Variants in ERC2 observed in about 807,000 individuals in gnomAD.
ERC2 encodes ELKS/RAB6-interacting/CAST family member 2.
In ERC2, 42 loss-of-function variants were observed where a neutral mutation model predicts 114.8. The ratio of observed to expected loss-of-function variants is 0.37; its 90% CI spans 0.29 to 0.47. The LOEUF is 0.47. Among genes scored for constraint, ERC2 ranks in the 20% least tolerant of loss-of-function variants. The pLI is 0.99. For synonymous variants in ERC2, 454 were observed against 425.5 expected (o/e 1.07, Z -0.82); for missense variants, 939 against 1,150.7 (o/e 0.82, Z 2.66).
At chr3:56,367,911 A>C (rs1048540923) in intron 2 of ERC2, among the ~76,000 whole-genome samples, 4 of 146,660 alleles carry the variant, frequency 2.7e-5, no homozygotes, top group Admixed American at 7.0e-5. Flanking sequence ...AGGTAGGAGT[A>C]TTGCTTGAGC....
chr3:55,650,669 A>T (rs962510107), intron 17 of ERC2, among the ~76,000 whole-genome samples: 1 of 152,200 alleles, frequency 6.6e-6, no homozygotes, highest in African/African-American at 2.4e-5. Flanking sequence ...GGCAAAAAGT[A>T]GGTGCTTATT....
At chr3:56,382,737 T>C (rs1028921664) in intron 2 of ERC2, among the ~76,000 whole-genome samples, 15 of 152,134 alleles carry the variant, frequency 9.9e-5, no homozygotes, top group African/African-American at 3.6e-4. Flanking sequence ...TATGATTATA[T>C]TCTATATTAT....
chr3:56,259,197 C>A (rs1576132753), intron 3 of ERC2, among the ~76,000 whole-genome samples: 1 of 151,972 alleles, frequency 6.6e-6, no homozygotes, highest in South Asian at 2.1e-4. Context: ...GTCTTGAACT[C>A]CCAACCTCAG....
chr3:56,043,388 C>T (rs945555999), intron 7 of ERC2, among the ~76,000 whole-genome samples: 3 of 151,996 alleles, frequency 2.0e-5, no homozygotes, highest in Non-Finnish European at 4.4e-5. Flanking sequence ...AAAGTCATAG[C>T]TATATATGTT....
At position 56,052,521 on chromosome 3, in the gene ERC2, T is replaced by C. The variant is rs561733767; in HGVS notation, c.1641+28296A>G. ...CTGAATATTTGCAATGGAGGCCATC[T>C]GGCCCTTTAAGAAAACATCTGATGA... On this transcript the variant is annotated intron_variant, in intron 7 of 17. Coordinates refer to ENST00000288221, the MANE Select transcript of ERC2 (RefSeq NM_015576.3). Among the ~76,000 whole-genome samples the C allele has an allele frequency of 6.3e-4, 96 of 152,350 alleles. 1 individual carries two copies. Among genetic ancestry groups the C allele is most frequent in the Non-Finnish European group, 9.7e-4 (66 of 68,034 alleles).
chr3:55,639,877 G>A (rs1054544306), intron 17 of ERC2, among the ~76,000 whole-genome samples: 6 of 152,296 alleles, frequency 3.9e-5, no homozygotes, highest in South Asian at 2.1e-4. Context: ...TCAAGGGCAG[G>A]AAGCAGATGT....
intron 4 of ERC2, among the ~76,000 whole-genome samples, chr3:56,160,195 T>C (rs908415793): frequency 6.6e-6 from 1 of 152,144 alleles, no homozygotes; most frequent in Non-Finnish European, 1.5e-5. Flanking sequence ...GCCATCCTGA[T>C]TGGTGTAAGA....
At chr3:55,554,447 G>A (rs1318352929) in intron 17 of ERC2, among the ~76,000 whole-genome samples, 1 of 152,166 alleles carries the variant, frequency 6.6e-6, no homozygotes, top group Non-Finnish European at 1.5e-5. Flanking sequence ...CAAGACAGAG[G>A]TGCAGACGGG....
chr3:56,352,121 A>G (rs888520312), intron 2 of ERC2, among the ~76,000 whole-genome samples: 4 of 152,196 alleles, frequency 2.6e-5, no homozygotes, highest in African/African-American at 9.7e-5. Context: ...TTCAAGATTC[A>G]TTATCCGGAT....
rs557239061 is a variant in ERC2 at position 55,823,762 on chromosome 3, T to C, written c.2564+64627A>G. On this transcript the variant is annotated intron_variant, in intron 14 of 17. Coordinates refer to ENST00000288221, the MANE Select transcript of ERC2 (RefSeq NM_015576.3). ...CCCATCGCTCCCATAGGGAGCCATA[T>C]GACTGACTTCTGTTTAATGAAGAGT... 7.9e-5 allele frequency among the ~76,000 whole-genome samples: 12 copies of C among 152,356 alleles called. No individual in the cohort carries two copies. In the South Asian group the frequency reaches 1.9e-3, roughly 24 times the overall value.
At chr3:56,116,704 A>AT (rs1312522093) in intron 6 of ERC2, among the ~76,000 whole-genome samples, 1 of 151,804 alleles carries the variant, frequency 6.6e-6, no homozygotes, top group African/African-American at 2.4e-5. Flanking sequence ...TCTTCTAGCC[A>AT]TTTTTTTCCA....
intron 16 of ERC2, among the ~76,000 whole-genome samples, chr3:55,690,968 C>T (rs1489494199): frequency 2.0e-5 from 3 of 152,210 alleles, no homozygotes; most frequent in African/African-American, 4.8e-5. Flanking sequence ...CATGTAACTG[C>T]TGGTAGAGGA....
intron 6 of ERC2, among the ~76,000 whole-genome samples, chr3:56,109,267 T>C (rs1034934243): frequency 1.3e-5 from 2 of 152,126 alleles, no homozygotes; most frequent in Non-Finnish European, 2.9e-5. Flanking sequence ...AGTGAGAACA[T>C]GCGGTATTTG....
chr3:55,544,517 C>T (rs542918758), intron 17 of ERC2, among the ~76,000 whole-genome samples: 7 of 152,222 alleles, frequency 4.6e-5, no homozygotes, highest in South Asian at 2.1e-4. Context: ...GGGAGGATGA[C>T]GGGGCAGTCC....
At chr3:56,215,559 C>T (rs1291104978) in intron 3 of ERC2, among the ~76,000 whole-genome samples, 3 of 152,086 alleles carry the variant, frequency 2.0e-5, no homozygotes, top group Admixed American at 6.5e-5. Context: ...GTTTGACACC[C>T]CACTGTCAAC....
At chr3:56,040,131 A>C (rs1014606101) in intron 7 of ERC2, among the ~76,000 whole-genome samples, 3 of 152,272 alleles carry the variant, frequency 2.0e-5, no homozygotes, top group African/African-American at 7.2e-5. Context: ...GCAAAGGAAA[A>C]ATAGGCAAAT....
At chr3:55,908,008 G>C (rs556167307) in intron 13 of ERC2, among the ~76,000 whole-genome samples, 5 of 152,160 alleles carry the variant, frequency 3.3e-5, no homozygotes, top group Admixed American at 6.5e-5. Context: ...CACACAGGGA[G>C]AGGAGGCTTC....
chr3:55,634,738 G>A (rs2059889907), intron 17 of ERC2, among the ~76,000 whole-genome samples: 1 of 152,196 alleles, frequency 6.6e-6, no homozygotes, highest in East Asian at 1.9e-4. Flanking sequence ...GGCAAAAGCT[G>A]TGTCTAGAAT....
At chr3:55,704,020 C>T (rs1442869149) in intron 15 of ERC2, among the ~76,000 whole-genome samples, 1 of 152,122 alleles carries the variant, frequency 6.6e-6, no homozygotes, top group Non-Finnish European at 1.5e-5. Flanking sequence ...CTTACTATCC[C>T]CTAGCGTTTG....
Sources: gnomAD v4.1 joint callset for allele counts (sites outside exome capture counted in the v4.1 genomes callset) on GRCh38, gnomAD v4.1.1 for gene constraint, MANE v1.5 for transcripts, NCBI Gene and HGNC (gene_info 2026-07-23, HGNC 2026-07-21) for gene names.